Variants in FTCDNL1 observed in about 807,000 individuals in gnomAD.
FTCDNL1 encodes the protein formiminotransferase N-terminal subdomain-containing protein.
In FTCDNL1, 11 loss-of-function variants were observed where a neutral mutation model predicts 5.9. The ratio of observed to expected loss-of-function variants is 1.87; its 90% CI spans 1.18 to 3.10. The LOEUF is 3.10. Among genes scored for constraint, FTCDNL1 ranks in the 30% most tolerant of loss-of-function variants. The pLI, the probability that FTCDNL1 is intolerant of heterozygous loss-of-function variation, is 0.00. For missense variants in FTCDNL1, 115 were observed against 65.5 expected (o/e 1.76, Z -2.61); for synonymous variants, 58 against 24.8 (o/e 2.34, Z -3.99).
At chr2:199,678,032 C>T in the FTCDNL1 span, among the ~76,000 whole-genome samples, 9 of 152,146 alleles carry the variant, frequency 5.9e-5, no homozygotes, top group African/African-American at 2.2e-4. Flanking sequence ...AAAGGAACTC[C>T]TAGGCATGAT....
chr2:199,673,796 T>C, the FTCDNL1 span, among the ~76,000 whole-genome samples: 2 of 151,856 alleles, frequency 1.3e-5, no homozygotes, highest in Non-Finnish European at 2.9e-5. Flanking sequence ...AAATGTGCCA[T>C]AAACCATATT....
At chr2:199,781,736 A>C (rs941723011) in intron 3 of FTCDNL1, among the ~76,000 whole-genome samples, 11 of 151,928 alleles carry the variant, frequency 7.2e-5, no homozygotes, top group African/African-American at 2.7e-4. Context: ...AAAATGTCAC[A>C]TACCATGTTT....
chr2:199,821,613 C>T (rs866766758), intron 3 of FTCDNL1, among the ~76,000 whole-genome samples: 4 of 151,798 alleles, frequency 2.6e-5, no homozygotes, highest in Admixed American at 6.6e-5. Context: ...TACAGGAACC[C>T]GCTACCACAC....
the FTCDNL1 span, among the ~76,000 whole-genome samples, chr2:199,707,485 T>C: frequency 6.6e-6 from 1 of 152,156 alleles, no homozygotes; most frequent in African/African-American, 2.4e-5. Flanking sequence ...TATTTCATTA[T>C]TTTCTTTTTA....
the FTCDNL1 span, among the ~76,000 whole-genome samples, chr2:199,723,296 G>C: frequency 6.6e-6 from 1 of 151,982 alleles, no homozygotes; most frequent in Admixed American, 6.6e-5. Context: ...GAGATGATGG[G>C]GTTTTCTAGT....
intron 3 of FTCDNL1, among the ~76,000 whole-genome samples, chr2:199,768,297 T>G (rs1206515106): frequency 7.9e-6 from 1 of 127,064 alleles, no homozygotes; most frequent in Non-Finnish European, 1.8e-5. Flanking sequence ...GTTCTTATGC[T>G]TAAGATGAGC....
intron 3 of FTCDNL1, among the ~76,000 whole-genome samples, chr2:199,799,364 A>C (rs1311856328): frequency 6.6e-6 from 1 of 152,220 alleles, no homozygotes; most frequent in Non-Finnish European, 1.5e-5. Context: ...CTGCCACTCG[A>C]CTGACACCAA....
At chr2:199,701,823 C>T in the FTCDNL1 span, among the ~76,000 whole-genome samples, 1 of 152,028 alleles carries the variant, frequency 6.6e-6, no homozygotes, top group Non-Finnish European at 1.5e-5. Context: ...TCACTCGAGG[C>T]CAGGAATTTG....
downstream of FTCDNL1, among the ~76,000 whole-genome samples, chr2:199,807,776 T>C (rs1391269078): frequency 2.6e-5 from 4 of 152,224 alleles, no homozygotes; most frequent in African/African-American, 4.8e-5. Context: ...TCCATCATAA[T>C]AGATTTTAAA....
the FTCDNL1 span, among the ~76,000 whole-genome samples, chr2:199,748,133 GA>G: frequency 6.6e-6 from 1 of 152,056 alleles, no homozygotes; most frequent in African/African-American, 2.4e-5. Flanking sequence ...TGCAATAGTT[GA>G]AAAAATATAA....
At chr2:199,719,757 C>T in the FTCDNL1 span, among the ~76,000 whole-genome samples, 1 of 152,200 alleles carries the variant, frequency 6.6e-6, no homozygotes, top group East Asian at 1.9e-4. Flanking sequence ...ACCTTAACCT[C>T]CCAAGTAGCT....
chr2:199,708,820 T>C, the FTCDNL1 span, among the ~76,000 whole-genome samples: 973 of 152,310 alleles, frequency 6.4e-3, 12 homozygotes, highest in African/African-American at 0.022. Context: ...TATTTGTGCA[T>C]GCCTTAGTAT....
At chr2:199,795,976 G>A (rs1010539789) in intron 3 of FTCDNL1, among the ~76,000 whole-genome samples, 2 of 151,988 alleles carry the variant, frequency 1.3e-5, no homozygotes, top group African/African-American at 4.8e-5. Flanking sequence ...ACATGCTGAG[G>A]GGTGATGATC....
chr2:199,772,523 T>C (rs1285688165), intron 3 of FTCDNL1, among the ~76,000 whole-genome samples: 2 of 152,130 alleles, frequency 1.3e-5, no homozygotes, highest in Non-Finnish European at 2.9e-5. Context: ...GCTCTATATC[T>C]ACACAGGAGC....
chr2:199,727,746 A>T, the FTCDNL1 span, among the ~76,000 whole-genome samples: 14 of 152,112 alleles, frequency 9.2e-5, no homozygotes, highest in African/African-American at 3.1e-4. Context: ...ATCAATCCAG[A>T]AACAGAATTT....
chr2:199,747,502 T>C, the FTCDNL1 span, among the ~76,000 whole-genome samples: 2 of 152,092 alleles, frequency 1.3e-5, no homozygotes, highest in African/African-American at 4.8e-5. Context: ...AACGTTGTAA[T>C]GATTTCCACT....
At chr2:199,820,934 G>A (rs534474251) in intron 3 of FTCDNL1, among the ~76,000 whole-genome samples, 99 of 152,240 alleles carry the variant, frequency 6.5e-4, no homozygotes, top group African/African-American at 2.3e-3. Flanking sequence ...TATTTGTTCC[G>A]TATCACGGAT....
chr2:199,720,864 T>C, the FTCDNL1 span, among the ~76,000 whole-genome samples: 2 of 152,194 alleles, frequency 1.3e-5, no homozygotes, highest in African/African-American at 2.4e-5. Context: ...TCGAATTAGA[T>C]TGCATCCATT....
At chr2:199,683,829 C>T in the FTCDNL1 span, among the ~76,000 whole-genome samples, 2 of 152,158 alleles carry the variant, frequency 1.3e-5, no homozygotes, top group Non-Finnish European at 2.9e-5. Context: ...CTAAAGCTCA[C>T]CTTGTCTATG....
Sources: allele counts gnomAD v4.1 joint callset (sites outside exome capture counted in the v4.1 genomes callset), GRCh38; gene constraint gnomAD v4.1.1; transcripts MANE v1.5; gene names NCBI Gene and HGNC (gene_info 2026-07-23, HGNC 2026-07-21).